COL6A6: variants seen among roughly 807,000 people sequenced by gnomAD.
COL6A6 encodes the protein collagen alpha-6(VI) chain.
A neutral mutation model predicts 208.6 loss-of-function variants in COL6A6; 183 were observed. The ratio of observed to expected loss-of-function variants is 0.88; its 90% CI spans 0.78 to 0.99. The LOEUF is 0.99. Among genes scored for constraint, COL6A6 ranks in the 50% least tolerant of loss-of-function variants. COL6A6 has a pLI of 0.00. For synonymous variants in COL6A6, 973 were observed against 1,011.8 expected (o/e 0.96, Z 0.73); for missense variants, 2,816 against 2,815.2 (o/e 1.00, Z -0.01).
chr3:130,643,034 T>C lies in COL6A6; in HGVS notation c.5227+11T>C. On this transcript the variant is annotated intron_variant, in intron 31 of 36. Transcript: ENST00000358511. ...TGCGAGACCGCAGTCGTAAGTACCC[T>C]GCTTAAAATGATCACCCAAGTTGTC... is the stretch of plus-strand genomic sequence containing the variant. 1 of 1,611,762 alleles carries C rather than the reference T, an allele frequency of 6.2e-7. No homozygotes were observed. The highest frequency in any genetic ancestry group is 8.5e-7 in the Non-Finnish European group (1 of 1,178,010).
chr3:130,639,689 C>CAAAAA (rs57615059), intron 28 of COL6A6, among the ~76,000 whole-genome samples: 1 of 94,664 alleles, frequency 1.1e-5, no homozygotes, highest in Non-Finnish European at 2.3e-5. Context: ...GATCCTGTCT[C>CAAAAA]AAAAAAAAAA....
At chr3:130,669,297 A>G (rs1007903347) in intron 36 of COL6A6, among the ~76,000 whole-genome samples, 1 of 152,164 alleles carries the variant, frequency 6.6e-6, no homozygotes, top group Non-Finnish European at 1.5e-5. Context: ...CGGGAGGCAG[A>G]GGCAGGAGGA....
At chr3:130,559,777 C>T (rs1020773266) in intron 1 of COL6A6, among the ~76,000 whole-genome samples, 22 of 152,158 alleles carry the variant, frequency 1.4e-4, no homozygotes, top group Non-Finnish European at 2.6e-4. Flanking sequence ...AGCTGAGCTC[C>T]TTATTCTGAG....
intron 10 of COL6A6, among the ~76,000 whole-genome samples, chr3:130,582,325 T>C (rs1403566525): frequency 6.6e-6 from 1 of 152,204 alleles, no homozygotes; most frequent in Non-Finnish European, 1.5e-5. Flanking sequence ...GTATTTCTTC[T>C]TCCTGACCTT....
Position 130,634,306 on chromosome 3 carries a change from G to A in COL6A6, c.4993-284G>A, listed in dbSNP as rs116214314. 4.4e-3 allele frequency among the ~76,000 whole-genome samples: 666 copies of A among 150,126 alleles called. 6 individuals are homozygous for A. The highest frequency in any genetic ancestry group is 0.014 in the Middle Eastern group (4 of 284). On this transcript the variant is annotated intron_variant, in intron 26 of 36. Coordinates refer to ENST00000358511, the MANE Select transcript of COL6A6 (RefSeq NM_001102608.3). The stretch of plus-strand genomic sequence containing the variant: ...CACATGGCCAAATGACCACCTATGC[G>A]GTTATATGCATACAAAAGAAGGAAA...
At chr3:130,542,898 CTTT>C (rs56339748) in intron 1 of COL6A6, among the ~76,000 whole-genome samples, 4 of 92,614 alleles carry the variant, frequency 4.3e-5, no homozygotes, top group African/African-American at 1.2e-4. Context: ...TCCATTCACT[CTTT>C]TTTTTTTTTT....
chr3:130,586,273 T>A (rs761838299), intron 10 of COL6A6, among the ~76,000 whole-genome samples: 2 of 152,246 alleles, frequency 1.3e-5, no homozygotes, highest in Non-Finnish European at 2.9e-5. Flanking sequence ...GGAAGTTGTG[T>A]TACAATTTTC....
At chr3:130,558,361 C>T (rs917320383) in intron 1 of COL6A6, among the ~76,000 whole-genome samples, 9 of 152,162 alleles carry the variant, frequency 5.9e-5, no homozygotes, top group Non-Finnish European at 1.3e-4. Context: ...GGCACACACA[C>T]CTCAAGAACG....
At chr3:130,656,153 T>C (rs879538345) in intron 33 of COL6A6, among the ~76,000 whole-genome samples, 1 of 152,188 alleles carries the variant, frequency 6.6e-6, no homozygotes, top group Non-Finnish European at 1.5e-5. Context: ...TCTCCTCTCC[T>C]CTCTCCTCAC....
chr3:130,570,950 A>G lies in COL6A6; in HGVS notation c.2534A>G (p.Gln845Arg). 6.2e-7 allele frequency: 1 copy of G among 1,614,050 alleles called. No homozygotes were observed. ...AAAAAAGCTGATGTGGGCAAGAATC[A>G]GGTCCGGTTTGGGGCTCTGAAGTAT... ...LVKKADVGKN[Q>R]VRFGALKYAD... The change falls in exon 7 of 37, where the codon CAG becomes CGG. Residue 845 changes from glutamine to arginine, a missense_variant. Coordinates refer to ENST00000358511, the MANE Select transcript of COL6A6 (RefSeq NM_001102608.3).
chr3:130,619,389 G>A (rs1032523511), intron 23 of COL6A6, among the ~76,000 whole-genome samples: 5 of 152,274 alleles, frequency 3.3e-5, no homozygotes, highest in African/African-American at 7.2e-5. Flanking sequence ...GTGTGGAGAC[G>A]TAAGACAAAC....
chr3:130,672,360 G>A (rs1262940591), intron 36 of COL6A6, among the ~76,000 whole-genome samples: 1 of 151,782 alleles, frequency 6.6e-6, no homozygotes, highest in Non-Finnish European at 1.5e-5. Flanking sequence ...TATATAGTAG[G>A]ATAAAGAGAA....
At chr3:130,604,517 C>T (rs1400646602) in intron 20 of COL6A6, among the ~76,000 whole-genome samples, 2 of 151,484 alleles carry the variant, frequency 1.3e-5, no homozygotes, top group Non-Finnish European at 2.9e-5. Flanking sequence ...AAAAAAATTC[C>T]ATGTAACCAT....
chr3:130,649,921 T>C (rs1006710822), intron 33 of COL6A6, among the ~76,000 whole-genome samples: 9 of 152,204 alleles, frequency 5.9e-5, no homozygotes, highest in African/African-American at 2.2e-4. Flanking sequence ...CCCAAGCTAC[T>C]CTTTGAGTTG....
intron 8 of COL6A6, 83 bp from the exon 9 acceptor site, chr3:130,581,478 A>G: frequency 2.1e-6 from 2 of 963,102 alleles, no homozygotes; most frequent in Non-Finnish European, 3.1e-6. Flanking sequence ...TAGAATTCCA[A>G]GTCCCTTGAT....
Position 130,627,397 on chromosome 3 carries a change from G to T in COL6A6, c.4992+28G>T, listed in dbSNP as rs369123245. Reference sequence around the variant, plus strand: ...AAGTCAAGTCTGCTGGAAGCTGGACGTTTTCCATTTATTTTTTGTTGCTGG... The same window carrying T: ...AAGTCAAGTCTGCTGGAAGCTGGACTTTTTCCATTTATTTTTTGTTGCTGG... On this transcript the variant is annotated intron_variant, in intron 26 of 36. Coordinates refer to ENST00000358511, the MANE Select transcript of COL6A6 (RefSeq NM_001102608.3). 3 of 1,609,216 alleles carry T rather than the reference G, an allele frequency of 1.9e-6. No homozygotes were observed. In the East Asian group the frequency reaches 6.7e-5, roughly 36 times the overall value.
At chr3:130,517,735 C>T (rs150072841) in intron 1 of COL6A6, among the ~76,000 whole-genome samples, 1 of 152,274 alleles carries the variant, frequency 6.6e-6, no homozygotes, top group East Asian at 1.9e-4. Context: ...ACACTGTGTC[C>T]TCACAGCACA....
intron 1 of COL6A6, among the ~76,000 whole-genome samples, chr3:130,546,220 T>C (rs1171448840): frequency 6.6e-6 from 1 of 152,082 alleles, no homozygotes; most frequent in Non-Finnish European, 1.5e-5. Flanking sequence ...CGTTCGGATG[T>C]GTTTGGAGTT....
chr3:130,592,640 T>G (rs766703653), intron 14 of COL6A6, 28 bp downstream of exon 14: 1 of 1,612,638 alleles, frequency 6.2e-7, no homozygotes, highest in East Asian at 2.2e-5. Flanking sequence ...GTGTGGAGTT[T>G]TCTCAATATT....
Sources: allele counts gnomAD v4.1 joint callset (sites outside exome capture counted in the v4.1 genomes callset), GRCh38; gene constraint gnomAD v4.1.1; transcripts MANE v1.5; gene names NCBI Gene and HGNC (gene_info 2026-07-23, HGNC 2026-07-21).